Variants in PSD3 observed in about 807,000 individuals in gnomAD.
The protein encoded by PSD3 is pleckstrin and Sec7 domain containing 3.
Under a neutral mutation model 105.5 loss-of-function variants are expected in PSD3, and 49 were observed. The observed-to-expected ratio is 0.46, with a 90% CI of 0.37 to 0.59. The LOEUF (loss-of-function observed/expected upper bound fraction) is 0.59. Among genes scored for constraint, PSD3 ranks in the 20% least tolerant of loss-of-function variants. PSD3 has a pLI of 0.00. For missense variants in PSD3, 1,561 were observed against 1,263.8 expected (o/e 1.24, Z -3.57); for synonymous variants, 557 against 457.8 (o/e 1.22, Z -2.77).
chr8:18,647,359 GAT>G (rs1260679442), intron 10 of PSD3, among the ~76,000 whole-genome samples: 2 of 152,346 alleles, frequency 1.3e-5, no homozygotes, highest in East Asian at 3.9e-4. Flanking sequence ...TGTGAGGGCA[GAT>G]GGGAAATAGT....
intron 4 of PSD3, among the ~76,000 whole-genome samples, chr8:18,825,825 C>G (rs1210941006): frequency 1.3e-5 from 2 of 152,206 alleles, no homozygotes; most frequent in African/African-American, 4.8e-5. Context: ...GATTCACAGT[C>G]TCTTCATTTG....
At chr8:18,871,003 G>A (rs1817306762) in intron 3 of PSD3, among the ~76,000 whole-genome samples, 1 of 152,186 alleles carries the variant, frequency 6.6e-6, no homozygotes, top group Non-Finnish European at 1.5e-5. Flanking sequence ...GAGGGCTGAG[G>A]TGGGAGGATC....
At chr8:19,080,885 TA>T (rs1269839705) in intron 1 of PSD3, among the ~76,000 whole-genome samples, 3 of 152,174 alleles carry the variant, frequency 2.0e-5, no homozygotes, top group Non-Finnish European at 4.4e-5. Context: ...ACTGCCATTT[TA>T]AGACACAAAA....
At chr8:18,669,692 C>G (rs1205122820) in intron 9 of PSD3, among the ~76,000 whole-genome samples, 1 of 152,224 alleles carries the variant, frequency 6.6e-6, no homozygotes, top group African/African-American at 2.4e-5. Flanking sequence ...ATGTTTGTCT[C>G]TAAAATTTTC....
chr8:18,693,807 C>T (rs889384847), intron 9 of PSD3, among the ~76,000 whole-genome samples: 2 of 152,190 alleles, frequency 1.3e-5, no homozygotes, highest in Non-Finnish European at 2.9e-5. Context: ...CTGTGAACTA[C>T]CTGATGACCT....
At chr8:18,829,154 G>A (rs1440609739) in intron 4 of PSD3, among the ~76,000 whole-genome samples, 1 of 152,154 alleles carries the variant, frequency 6.6e-6, no homozygotes, top group East Asian at 1.9e-4. Context: ...GGCTGAGACA[G>A]GTGGATCAAC....
intron 1 of PSD3, among the ~76,000 whole-genome samples, chr8:19,025,366 C>T (rs1291863758): frequency 3.3e-5 from 5 of 150,630 alleles, no homozygotes; most frequent in Admixed American, 2.6e-4. Context: ...CTCCAAACCC[C>T]GTTGGGCATG....
At chr8:18,871,232 T>C (rs962540675) in intron 3 of PSD3, among the ~76,000 whole-genome samples, 1 of 152,192 alleles carries the variant, frequency 6.6e-6, no homozygotes, top group Non-Finnish European at 1.5e-5. Context: ...AAGTACCAGC[T>C]ATATAGGGTG....
intron 1 of PSD3, among the ~76,000 whole-genome samples, chr8:18,961,794 T>C (rs1188531034): frequency 6.6e-6 from 1 of 152,122 alleles, no homozygotes; most frequent in Admixed American, 6.5e-5. Flanking sequence ...AAGAACATGA[T>C]AAATCAGATA....
At chr8:18,590,565 G>C (rs951897863) in intron 12 of PSD3, among the ~76,000 whole-genome samples, 2 of 152,094 alleles carry the variant, frequency 1.3e-5, no homozygotes, top group Non-Finnish European at 2.9e-5. Context: ...AGGTAATTTA[G>C]AAATATGTTT....
At chr8:18,974,595 G>GA (rs1405040780) in intron 1 of PSD3, among the ~76,000 whole-genome samples, 3 of 151,502 alleles carry the variant, frequency 2.0e-5, no homozygotes, top group Non-Finnish European at 2.9e-5. Context: ...CAAGCAAAAG[G>GA]AAACCCCACT....
chr8:18,953,271 C>G (rs769442849), intron 1 of PSD3, among the ~76,000 whole-genome samples: 2 of 151,760 alleles, frequency 1.3e-5, no homozygotes, highest in African/African-American at 4.8e-5. Flanking sequence ...AATGGTGACG[C>G]GGCATGTTCA....
chr8:18,724,095 T>C (rs1352322624), intron 9 of PSD3, among the ~76,000 whole-genome samples: 1 of 152,134 alleles, frequency 6.6e-6, no homozygotes, highest in Non-Finnish European at 1.5e-5. Context: ...ATGAAAATAC[T>C]AAAAAGAAGA....
intron 9 of PSD3, among the ~76,000 whole-genome samples, chr8:18,691,401 G>A (rs900092707): frequency 2.0e-5 from 3 of 152,188 alleles, no homozygotes; most frequent in African/African-American, 7.2e-5. Flanking sequence ...CAATGCCACA[G>A]TCAGCTCAGA....
chr8:18,860,173 G>A (rs1220547503), intron 4 of PSD3, among the ~76,000 whole-genome samples: 1 of 152,082 alleles, frequency 6.6e-6, no homozygotes, highest in Non-Finnish European at 1.5e-5. Flanking sequence ...GGAGAGAGAG[G>A]GGGAACAGCT....
intron 10 of PSD3, among the ~76,000 whole-genome samples, chr8:18,646,666 A>C (rs564561394): frequency 4.6e-5 from 7 of 152,292 alleles, no homozygotes; most frequent in African/African-American, 1.7e-4. Context: ...CAACTAAATC[A>C]GTCTAAACTA....
At chr8:18,809,252 CAAAT>C (rs371591144) in intron 4 of PSD3, among the ~76,000 whole-genome samples, 30 of 152,144 alleles carry the variant, frequency 2.0e-4, no homozygotes, top group African/African-American at 6.8e-4. Flanking sequence ...AGTAAGGTTG[CAAAT>C]AAATAAATCC....
At chr8:18,562,746 G>A (rs371616794) in intron 14 of PSD3, among the ~76,000 whole-genome samples, 4 of 152,012 alleles carry the variant, frequency 2.6e-5, no homozygotes, top group Admixed American at 6.6e-5. Flanking sequence ...AAAATTAGCC[G>A]GGTGTGGTGG....
intron 1 of PSD3, among the ~76,000 whole-genome samples, chr8:18,974,568 G>A (rs1057038234): frequency 7.2e-5 from 11 of 152,070 alleles, no homozygotes; most frequent in African/African-American, 1.9e-4. Context: ...GCTAGTCCCA[G>A]GGAACACACA....
Sources: allele counts gnomAD v4.1 joint callset (sites outside exome capture counted in the v4.1 genomes callset), GRCh38; gene constraint gnomAD v4.1.1; transcripts MANE v1.5; gene names NCBI Gene and HGNC (gene_info 2026-07-23, HGNC 2026-07-21).